Variants in FRYL observed in about 807,000 individuals in gnomAD.
The protein encoded by FRYL is protein furry homolog-like.
In FRYL, 150 loss-of-function variants were observed where a neutral mutation model predicts 351.2. That is an observed-to-expected ratio of 0.43 (90% CI 0.37 to 0.49). The LOEUF (loss-of-function observed/expected upper bound fraction) is 0.49, where lower values mean the gene tolerates loss of function less well. Ranked by LOEUF, FRYL falls within the 20% of genes least tolerant of loss-of-function variation. The probability of loss-of-function intolerance (pLI) is 0.00; values close to 1 mark genes in which losing one functional copy is unlikely to be tolerated. For synonymous variants in FRYL, 1,153 were observed against 1,257.1 expected, an observed-to-expected ratio of 0.92 and a Z score of 1.75; for missense variants, 3,036 against 3,619.3, an observed-to-expected ratio of 0.84 and a Z score of 4.13.
rs546988395 is a variant in FRYL at position 48,552,991 on chromosome 4, T to C, written c.4435+224A>G. On this transcript the variant is annotated intron_variant, in intron 36 of 63. Transcript: ENST00000358350. ...ATGCACATACATATAGGTGTGTATA[T>C]ATATATACATTTAAAGACACAATAA... 7.9e-5 allele frequency among the ~76,000 whole-genome samples: 12 copies of C among 152,326 alleles called. No homozygotes were observed. The South Asian group carries it at 1.9e-3, about 24-fold the overall frequency.
At chr4:48,723,061 A>G (rs941832683) in intron 1 of FRYL, among the ~76,000 whole-genome samples, 2 of 151,938 alleles carry the variant, frequency 1.3e-5, no homozygotes, top group African/African-American at 4.8e-5. Context: ...CTGGACATCT[A>G]AAGGACCTCA....
chr4:48,685,201 TAA>T (rs1198581933), intron 2 of FRYL, among the ~76,000 whole-genome samples: 1 of 152,232 alleles, frequency 6.6e-6, no homozygotes, highest in East Asian at 1.9e-4. Flanking sequence ...TTTGTAAAAA[TAA>T]GTTAATACCA....
chr4:48,741,326 G>A lies in FRYL; in HGVS notation c.-383-30628C>T, dbSNP rs111797267. Among the ~76,000 whole-genome samples, 690 of 152,174 alleles carry A rather than the reference G, an allele frequency of 4.5e-3. 4 individuals are homozygous for A. The highest frequency in any genetic ancestry group is 0.015 in the African/African-American group (640 of 41,516). ...TGGGAGGCCGAGGCAGGCGGATCAC[G>A]AAATCAGATCGAGACCATCCTAGCT... On this transcript the variant is annotated intron_variant, in intron 1 of 63. Transcript: ENST00000358350.
intron 1 of FRYL, among the ~76,000 whole-genome samples, chr4:48,778,580 A>G (rs1776272950): frequency 6.6e-6 from 1 of 152,230 alleles, no homozygotes; most frequent in Admixed American, 6.5e-5. Flanking sequence ...ATGCTTATGA[A>G]AACATTCTTC....
In FRYL at chr4:48,589,814, T is replaced by C; in HGVS notation, c.1571A>G (p.Lys524Arg). The C allele has an allele frequency of 6.2e-7, 1 of 1,613,810 alleles. No individual in the cohort carries two copies. The highest frequency in any genetic ancestry group is 1.1e-5 in the South Asian group (1 of 91,080). The change falls in exon 18 of 64, where the codon AAA (lysine) becomes AGA (arginine). Residue 524 changes from lysine (K) to arginine (R), a missense_variant. This residue lies in a region of FRYL where 78 missense variants were observed against 106.6 expected (regional missense o/e 0.73). Coordinates refer to ENST00000358350, the MANE Select transcript of FRYL (RefSeq NM_015030.2). The stretch of plus-strand genomic sequence containing the variant: ...CATACACATTGGTCTCCCAACTTCT[T>C]TGTCCAAATGTCTGAGGATGCTATC... ...ALDSILRHLD[K>R]EVGRPMCMTS...
chr4:48,592,943 T>G (rs1457021957), intron 16 of FRYL, among the ~76,000 whole-genome samples: 1 of 152,164 alleles, frequency 6.6e-6, no homozygotes, highest in Non-Finnish European at 1.5e-5. Context: ...AATAAACAGA[T>G]AACACCTATT....
At chr4:48,752,031 T>C (rs565801304) in intron 1 of FRYL, among the ~76,000 whole-genome samples, 27 of 152,258 alleles carry the variant, frequency 1.8e-4, no homozygotes, top group African/African-American at 6.3e-4. Flanking sequence ...TCCTCAATGA[T>C]AAGATGAGAG....
intron 7 of FRYL, chr4:48,618,530 T>G (rs1289604151): frequency 6.0e-5 from 9 of 149,346 alleles, no homozygotes; most frequent in Admixed American, 5.4e-4. Context: ...ACAATGTTCG[T>G]GCCTGGAAAT....
intron 3 of FRYL, among the ~76,000 whole-genome samples, chr4:48,640,618 CA>C (rs1755131743): frequency 2.6e-5 from 4 of 152,020 alleles, no homozygotes; most frequent in Admixed American, 2.6e-4. Flanking sequence ...ATGTGCAACC[CA>C]AAGAGTTAAC....
Position 48,582,508 on chromosome 4 carries a change from G to C in FRYL, c.1975C>G (p.Gln659Glu), listed in dbSNP as rs1273484631. 1.2e-6 allele frequency: 2 copies of C among 1,608,254 alleles called. No homozygotes were observed. Among genetic ancestry groups the C allele is most frequent in the East Asian group, 2.2e-5 (1 of 44,822 alleles). ...AAAGAATCTGGTACCTGAGTGTCCT[G>C]GTTTTTATTATGCATTTGGGCTGCT... is the stretch of plus-strand genomic sequence containing the variant. ...KQAAQMHNKN[Q>E]DTQHGVANGA... Residue 659 changes from glutamine (Q) to glutamate (E), a missense_variant, in exon 20 of 64, where the codon CAG becomes GAG. By Grantham distance (29) the Gln-to-Glu change is conservative. Transcript: ENST00000358350.
At chr4:48,732,547 C>T (rs1325198335) in intron 1 of FRYL, among the ~76,000 whole-genome samples, 1 of 152,096 alleles carries the variant, frequency 6.6e-6, no homozygotes, top group African/African-American at 2.4e-5. Flanking sequence ...CAATGATAGA[C>T]TGCATAAAGA....
At chr4:48,759,480 T>C (rs1401425611) in intron 1 of FRYL, among the ~76,000 whole-genome samples, 1 of 152,200 alleles carries the variant, frequency 6.6e-6, no homozygotes, top group East Asian at 1.9e-4. Flanking sequence ...TTTATTATCT[T>C]ACAGTTTTGG....
intron 3 of FRYL, among the ~76,000 whole-genome samples, chr4:48,652,337 T>C (rs1757894878): frequency 6.6e-6 from 1 of 152,184 alleles, no homozygotes; most frequent in African/African-American, 2.4e-5. Context: ...ATGGTGAGGA[T>C]GGGAGAAGCA....
intron 2 of FRYL, among the ~76,000 whole-genome samples, chr4:48,697,602 C>T (rs1466107763): frequency 6.6e-6 from 1 of 152,112 alleles, no homozygotes. Flanking sequence ...GCCTCAGTCT[C>T]CTGAGTAGCT....
intron 36 of FRYL, among the ~76,000 whole-genome samples, chr4:48,552,029 T>A (rs535625549): frequency 2.0e-5 from 3 of 152,284 alleles, no homozygotes; most frequent in African/African-American, 7.2e-5. Flanking sequence ...CTAGAAGTCT[T>A]TTCTGATGAG....
intron 7 of FRYL, 121 bp downstream of exon 7, chr4:48,619,153 T>C (rs772668455): frequency 4.4e-6 from 3 of 679,548 alleles, no homozygotes; most frequent in Non-Finnish European, 5.1e-6. Flanking sequence ...ATAATGAAAT[T>C]ACAGGAATTT....
Position 48,549,188 on chromosome 4 carries a change from G to A in FRYL, c.4784+285C>T, listed in dbSNP as rs1186585722. 6.6e-6 allele frequency among the ~76,000 whole-genome samples: 1 copy of A among 152,124 alleles called. No homozygotes were observed. The highest frequency in any genetic ancestry group is 2.4e-5 in the African/African-American group (1 of 41,416). ...ATGCAAAATAATAGTGCCTACCATA[G>A]GAAAGTCATATTTTTCAGATGTAGT... On this transcript the variant is annotated intron_variant, in intron 39 of 63. Coordinates refer to ENST00000358350, the MANE Select transcript of FRYL (RefSeq NM_015030.2). The surrounding 1 kb of genome is among the most constrained non-coding windows in gnomAD (Gnocchi z 4.2).
chr4:48,542,566 G>A lies in FRYL; in HGVS notation c.5593-445C>T, dbSNP rs147379063. On this transcript the variant is annotated intron_variant, in intron 44 of 63. Transcript: ENST00000358350. ...CGAGTAGCTGGGACTACAGGCATGCGCCTGCACACCTAGCTAATTTTTGTA... is the reference window on the plus strand; with the variant it reads ...CGAGTAGCTGGGACTACAGGCATGCACCTGCACACCTAGCTAATTTTTGTA... 2.5e-3 allele frequency among the ~76,000 whole-genome samples: 375 copies of A among 152,228 alleles called. 1 individual carries two copies. Among genetic ancestry groups the A allele is most frequent in the African/African-American group, 8.5e-3 (354 of 41,536 alleles).
chr4:48,544,011 GGAAACGAGT>G lies in FRYL; in HGVS notation c.5402-23_5402-15del. On this transcript the variant is annotated splice_polypyrimidine_tract_variant and intron_variant, in intron 43 of 63. Coordinates refer to ENST00000358350, the MANE Select transcript of FRYL (RefSeq NM_015030.2). ...GATGAATTCCTTCTGTGAATGCAAA[GGAAACGAGT>G]AGGTTGTTCTTGTTCTTTAGAATAC... 6.2e-7 allele frequency: 1 copy of G among 1,611,470 alleles called. No individual in the cohort carries two copies. Among genetic ancestry groups the G allele is most frequent in the Non-Finnish European group, 8.5e-7 (1 of 1,178,044 alleles).
Sources: allele counts gnomAD v4.1 joint callset (sites outside exome capture counted in the v4.1 genomes callset), GRCh38; gene constraint gnomAD v4.1.1; regional missense constraint gnomAD v4.1.1; non-coding constraint Gnocchi (gnomAD v3.1); transcripts MANE v1.5; gene names NCBI Gene and HGNC (gene_info 2026-07-23, HGNC 2026-07-21).